Variants in GTPBP8 observed in about 807,000 individuals in gnomAD.
The protein encoded by GTPBP8 is GTP binding protein 8.
Under a neutral mutation model 27.3 loss-of-function variants are expected in GTPBP8, and 21 were observed. The observed-to-expected ratio is 0.77, with a 90% confidence interval of 0.55 to 1.11. The LOEUF is 1.11. GTPBP8 is among the 50% of genes least tolerant of loss of function. GTPBP8 has a pLI of 0.00. For missense variants in GTPBP8, 380 were observed against 350.8 expected, an observed-to-expected ratio of 1.08 and a Z score of -0.67; for synonymous variants, 147 against 135.3, an observed-to-expected ratio of 1.09 and a Z score of -0.60.
intron 1 of GTPBP8, 88 bp from the exon 2 acceptor site, chr3:112,992,938 A>G: frequency 1.5e-6 from 1 of 667,926 alleles, no homozygotes; most frequent in East Asian, 2.7e-5. Context: ...AATAAATATT[A>G]GCTGTGTTAG....
At chr3:112,999,300 ATTATTT>A (rs1374458776) in intron 4 of GTPBP8, 140 bp from the exon 5 acceptor site, 2 of 491,040 alleles carry the variant, frequency 4.1e-6, no homozygotes, top group East Asian at 3.1e-5. Context: ...TTTATGGGTC[ATTATTT>A]TTATTTTATA....
intron 3 of GTPBP8, among the ~76,000 whole-genome samples, chr3:112,996,045 A>G (rs1933779287): frequency 6.6e-6 from 1 of 152,140 alleles, no homozygotes; most frequent in African/African-American, 2.4e-5. Flanking sequence ...TTTTGAAATG[A>G]AAAAAATGTA....
chr3:112,998,045 G>T (rs1048009798), intron 4 of GTPBP8, among the ~76,000 whole-genome samples: 2 of 152,138 alleles, frequency 1.3e-5, no homozygotes, highest in Non-Finnish European at 2.9e-5. Context: ...TTTGCGGAGG[G>T]GTTCACAAGT....
intron 5 of GTPBP8, 58 bp from the exon 6 acceptor site, chr3:113,000,792 G>A (rs1417352848): frequency 1.0e-6 from 1 of 999,458 alleles, no homozygotes; most frequent in Non-Finnish European, 1.5e-6. Flanking sequence ...TTAAGTTGAT[G>A]AATTCAGATG....
At position 112,991,777 on chromosome 3, in the gene GTPBP8, A is replaced by G. The variant is rs534837889; in HGVS notation, c.336+442A>G. 1,466 of 321,452 alleles carry G rather than the reference A, an allele frequency of 4.6e-3. 28 individuals are homozygous for G. The highest frequency in any genetic ancestry group is 0.027 in the South Asian group (1,043 of 38,322). The allele number at this position is 321,452 out of a possible 1,614,324, so 19.9% of individuals were successfully genotyped here. A position where few individuals can be genotyped will look rare whatever the true frequency, so the allele number is the denominator to read the frequency against. On this transcript the variant is annotated intron_variant, in intron 1 of 5. Coordinates refer to ENST00000383678, the MANE Select transcript of GTPBP8 (RefSeq NM_014170.4). ...AGACAGAATTTAGACAGTGAAGAAT[A>G]GGAAACGAATAATAGTTTCACAAAT... is the stretch of plus-strand genomic sequence containing the variant.
chr3:112,992,055 A>G (rs780615980), intron 1 of GTPBP8: 1 of 153,458 alleles, frequency 6.5e-6, no homozygotes, highest in Non-Finnish European at 1.5e-5. Flanking sequence ...GTCTAAATAT[A>G]TGTGGAACTA....
At chr3:112,992,264 G>T (rs1933697218) in intron 1 of GTPBP8, 1 of 152,150 alleles carries the variant, frequency 6.6e-6, no homozygotes, top group South Asian at 2.1e-4. Flanking sequence ...TTGAAGAACT[G>T]ACCAGAATTT....
At position 112,991,094 on chromosome 3, in the gene GTPBP8, C is replaced by A. The variant is rs1396317365; in HGVS notation, c.95C>A (p.Ala32Asp). ...AGCCGCTATAATAGCACGTCCCAAGCTTTTGCTGAGGTGCTGCGGCTGCCG... is the reference window on the plus strand; with the variant it reads ...AGCCGCTATAATAGCACGTCCCAAGATTTTGCTGAGGTGCTGCGGCTGCCG... ...RLSRYNSTSQ[A>D]FAEVLRLPKQ... The change falls in exon 1 of 6, where the codon GCT (alanine) becomes GAT (aspartate). Residue 32 changes from alanine to aspartate, a missense_variant. Coordinates refer to ENST00000383678, the MANE Select transcript of GTPBP8 (RefSeq NM_014170.4). 3 of 1,613,976 alleles carry A rather than the reference C, an allele frequency of 1.9e-6. No homozygotes were observed. Among genetic ancestry groups the A allele is most frequent in the South Asian group, 2.2e-5 (2 of 91,094 alleles).
In GTPBP8 at chr3:112,993,012, T is replaced by C; in HGVS notation, c.337-14T>C. The C allele has an allele frequency of 1.3e-6, 2 of 1,509,520 alleles. No individual in the cohort carries two copies. The highest frequency in any genetic ancestry group is 1.8e-6 in the Non-Finnish European group (2 of 1,089,760). 93.5% of individuals were successfully genotyped at this position (1,509,520 alleles called of 1,614,324 possible). A position where few individuals can be genotyped will look rare whatever the true frequency, so the allele number is the denominator to read the frequency against. On this transcript the variant is annotated splice_polypyrimidine_tract_variant and intron_variant, in intron 1 of 5. Transcript: ENST00000383678. ...ACAGCTAGTACGTACTTATCTTGTT[T>C]TTTCTTGTATAAGGTGTGTTTTATA... is the stretch of plus-strand genomic sequence containing the variant.
intron 5 of GTPBP8, among the ~76,000 whole-genome samples, chr3:113,000,036 G>A (rs151038845): frequency 2.6e-5 from 4 of 152,154 alleles, no homozygotes; most frequent in African/African-American, 9.6e-5. Context: ...TTTTTATAAC[G>A]TTATGTACTG....
intron 3 of GTPBP8, among the ~76,000 whole-genome samples, chr3:112,996,115 T>TATAATG (rs1418465601): frequency 6.6e-6 from 1 of 152,184 alleles, no homozygotes; most frequent in Non-Finnish European, 1.5e-5. Flanking sequence ...AAATGCAAGA[T>TATAATG]ATAATGTGTC....
chr3:113,001,686 G>A lies in GTPBP8; in HGVS notation c.*767G>A, dbSNP rs1933917301. On this transcript the variant is annotated 3_prime_UTR_variant, in exon 6 of 6. Transcript: ENST00000383678. ...TATTACAAGAAATGTCCTTTCATGG[G>A]GGAAGTAACATTTTCACTAGTGAAA... 1 of 152,116 alleles carries A rather than the reference G, an allele frequency of 6.6e-6. No individual in the cohort carries two copies. Among genetic ancestry groups the A allele is most frequent in the African/African-American group, 2.4e-5 (1 of 41,398 alleles). 9.4% of individuals were successfully genotyped at this position (152,116 alleles called of 1,614,324 possible). A position where few individuals can be genotyped will look rare whatever the true frequency, so the allele number is the denominator to read the frequency against.
At chr3:112,998,783 T>C (rs1933834735) in intron 4 of GTPBP8, among the ~76,000 whole-genome samples, 1 of 152,206 alleles carries the variant, frequency 6.6e-6, no homozygotes, top group Non-Finnish European at 1.5e-5. Flanking sequence ...ATATGTATCA[T>C]GACACCACAC....
intron 2 of GTPBP8, 44 bp from the exon 3 acceptor site, chr3:112,995,091 G>A (rs776990873): frequency 2.8e-6 from 4 of 1,421,924 alleles, no homozygotes; most frequent in Non-Finnish European, 3.9e-6. Flanking sequence ...CTAGATGGAG[G>A]ACATATCTTA....
rs1933895412 is a variant in GTPBP8, at chr3:113,000,976, G to A, written c.*57G>A. 2 of 920,286 alleles carry A rather than the reference G, an allele frequency of 2.2e-6. No homozygotes were observed. Among genetic ancestry groups the A allele is most frequent in the African/African-American group, 1.7e-5 (1 of 59,738 alleles). 57.0% of individuals were successfully genotyped at this position (920,286 alleles called of 1,614,324 possible). A position where few individuals can be genotyped will look rare whatever the true frequency, so the allele number is the denominator to read the frequency against. On this transcript the variant is annotated 3_prime_UTR_variant, in exon 6 of 6. Transcript: ENST00000383678. Reference sequence around the variant, plus strand: ...AAAAAAAAAAGCTTTATGCTAACTGGAGTTAAATACCTAGAAGAATTTCAA... The same window carrying A: ...AAAAAAAAAAGCTTTATGCTAACTGAAGTTAAATACCTAGAAGAATTTCAA...
At chr3:113,000,290 C>T (rs533663508) in intron 5 of GTPBP8, among the ~76,000 whole-genome samples, 15 of 151,902 alleles carry the variant, frequency 9.9e-5, no homozygotes, top group Non-Finnish European at 1.9e-4. Flanking sequence ...CCCAGCTGCT[C>T]GGGAGGCAGA....
Position 112,991,013 on chromosome 3 carries a change from G to C in GTPBP8, c.14G>C (p.Gly5Ala). The C allele has an allele frequency of 6.3e-7, 1 of 1,595,158 alleles. No homozygotes were observed. The highest frequency in any genetic ancestry group is 8.6e-7 in the Non-Finnish European group (1 of 1,167,414). Residue 5 changes from glycine (G) to alanine (A), a missense_variant, in exon 1 of 6, where the codon GGG (glycine) becomes GCG (alanine). Coordinates refer to ENST00000383678, the MANE Select transcript of GTPBP8 (RefSeq NM_014170.4). ...TGGGAAGGGAGAATGGCGGCGCCCG[G>C]GCTGCGGCTGGGAGCGGGAAGACTC... MAAP[G>A]LRLGAGRLFE...
chr3:112,995,039 T>C, intron 2 of GTPBP8, 96 bp from the exon 3 acceptor site: 2 of 943,494 alleles, frequency 2.1e-6, no homozygotes, highest in Middle Eastern at 6.2e-4. Context: ...TGGCTTTTAA[T>C]AAATATTTGT....
At chr3:112,997,060 C>T (rs1300281101) in intron 4 of GTPBP8, 69 bp downstream of exon 4, 9 of 728,022 alleles carry the variant, frequency 1.2e-5, no homozygotes, top group Non-Finnish European at 1.9e-5. Context: ...TGTGAACATG[C>T]ACCTTTTAAC....
Sources: allele counts gnomAD v4.1 joint callset (sites outside exome capture counted in the v4.1 genomes callset), GRCh38; gene constraint gnomAD v4.1.1; transcripts MANE v1.5; gene names NCBI Gene and HGNC (gene_info 2026-07-23, HGNC 2026-07-21).